ZFP1: variants seen among roughly 807,000 people sequenced by gnomAD.
The protein encoded by ZFP1 is ZFP1 zinc finger protein.
A neutral mutation model predicts 38.5 loss-of-function variants in ZFP1; 32 were observed. That is an observed-to-expected ratio of 0.83 (90% CI 0.63 to 1.12). The LOEUF (loss-of-function observed/expected upper bound fraction) is 1.12, where lower values mean the gene tolerates loss of function less well. Ranked by LOEUF, ZFP1 falls within the 50% of genes most tolerant of loss-of-function variation. The probability of loss-of-function intolerance (pLI) is 0.00; values close to 1 mark genes in which losing one functional copy is unlikely to be tolerated. For missense variants in ZFP1, 616 were observed against 480.8 expected (o/e 1.28, Z -2.63); for synonymous variants, 245 against 168.8 (o/e 1.45, Z -3.50).
the ZFP1 span, among the ~76,000 whole-genome samples, chr16:75,136,102 C>T: frequency 2.0e-5 from 3 of 152,328 alleles, no homozygotes; most frequent in South Asian, 6.2e-4. Context: ...AGGCATGAGC[C>T]ACCACGCCCA....
At chr16:75,129,544 G>C in the ZFP1 span, among the ~76,000 whole-genome samples, 1 of 152,138 alleles carries the variant, frequency 6.6e-6, no homozygotes, top group Admixed American at 6.5e-5. Context: ...AGGCTAATAA[G>C]AACCTCAAAA....
the ZFP1 span, among the ~76,000 whole-genome samples, chr16:75,135,837 C>T: frequency 6.6e-5 from 10 of 152,254 alleles, no homozygotes; most frequent in East Asian, 9.6e-4. Flanking sequence ...TTTTTTGAGA[C>T]GGAGTCTCAC....
At chr16:75,133,030 T>G in the ZFP1 span, among the ~76,000 whole-genome samples, 1 of 151,630 alleles carries the variant, frequency 6.6e-6, no homozygotes, top group Non-Finnish European at 1.5e-5. Context: ...CAGGCTGGAG[T>G]GCAGTGGTGC....
chr16:75,167,567 C>T (rs1328198658), intron 3 of ZFP1, among the ~76,000 whole-genome samples: 4 of 152,094 alleles, frequency 2.6e-5, no homozygotes, highest in Non-Finnish European at 1.5e-5. Flanking sequence ...ATGCATAGTG[C>T]TGTGATGAAC....
Position 75,171,237 on chromosome 16 carries a change from C to A in ZFP1, c.*903C>A, listed in dbSNP as rs544239632. The A allele has an allele frequency of 8.5e-5, 13 of 152,164 alleles. No homozygotes were observed. The highest frequency in any genetic ancestry group is 2.6e-4 in the African/African-American group (11 of 41,524). 9.4% of individuals were successfully genotyped at this position (152,164 alleles called of 1,614,324 possible). ...ACCTGTTTTTGTCTTTCCTTGTTTC[C>A]CTTAATATTTCATGAATTGTCTAGC... On this transcript the variant is annotated 3_prime_UTR_variant, in exon 4 of 4. Coordinates refer to ENST00000570010, the MANE Select transcript of ZFP1 (RefSeq NM_153688.4).
chr16:75,119,969 A>G, the ZFP1 span, among the ~76,000 whole-genome samples: 2 of 152,222 alleles, frequency 1.3e-5, no homozygotes, highest in African/African-American at 4.8e-5. Context: ...CAACGAGGCC[A>G]CCTTTTTGCT....
the ZFP1 span, among the ~76,000 whole-genome samples, chr16:75,124,613 C>G: frequency 4.0e-5 from 6 of 150,206 alleles, no homozygotes; most frequent in East Asian, 8.0e-4. Context: ...GAAACCCCAT[C>G]TCTACTAAAA....
chr16:75,149,113 C>T (rs774101757), intron 1 of ZFP1: 1 of 152,038 alleles, frequency 6.6e-6, no homozygotes, highest in African/African-American at 2.4e-5. Flanking sequence ...AACCGTGATC[C>T]CTTTGTCAGA....
At chr16:75,167,335 C>T (rs892115539) in intron 3 of ZFP1, among the ~76,000 whole-genome samples, 1 of 152,126 alleles carries the variant, frequency 6.6e-6, no homozygotes, top group South Asian at 2.1e-4. Context: ...TAGCTGAGGA[C>T]AGATGACCTG....
chr16:75,164,459 C>T (rs548056648), intron 2 of ZFP1, among the ~76,000 whole-genome samples: 2 of 152,188 alleles, frequency 1.3e-5, no homozygotes, highest in Admixed American at 6.5e-5. Flanking sequence ...AAACAACTTC[C>T]TTTCCCATTC....
At chr16:75,148,036 A>T (rs2036977770), upstream of ZFP1, among the ~76,000 whole-genome samples, 1 of 152,190 alleles carries the variant, frequency 6.6e-6, no homozygotes, top group Non-Finnish European at 1.5e-5. Context: ...ACAAATATAT[A>T]TACCTCAACA....
At chr16:75,148,204 A>G (rs978830835), upstream of ZFP1, among the ~76,000 whole-genome samples, 1 of 152,202 alleles carries the variant, frequency 6.6e-6, no homozygotes, top group Non-Finnish European at 1.5e-5. Context: ...TTGTACATAT[A>G]TTCTAATTAA....
the ZFP1 span, among the ~76,000 whole-genome samples, chr16:75,139,912 C>T: frequency 1.3e-5 from 2 of 152,158 alleles, no homozygotes; most frequent in Non-Finnish European, 2.9e-5. Context: ...TACCTCTGAA[C>T]TGTACACTTG....
At chr16:75,153,478 G>C (rs1275568818) in intron 2 of ZFP1, among the ~76,000 whole-genome samples, 1 of 152,058 alleles carries the variant, frequency 6.6e-6, no homozygotes, top group Non-Finnish European at 1.5e-5. Flanking sequence ...ACAAATAAAA[G>C]CACAAACGTA....
the ZFP1 span, among the ~76,000 whole-genome samples, chr16:75,125,315 TTTTG>T: frequency 4.6e-5 from 7 of 152,112 alleles, no homozygotes; most frequent in Non-Finnish European, 1.0e-4. Context: ...CTGTATGTAC[TTTTG>T]TTTGTTTGTT....
chr16:75,138,177 C>A, the ZFP1 span, among the ~76,000 whole-genome samples: 1 of 151,898 alleles, frequency 6.6e-6, no homozygotes, highest in Non-Finnish European at 1.5e-5. Flanking sequence ...GCTGGGACTA[C>A]AGGCGTGCGC....
chr16:75,151,382 G>GT (rs1431863076), intron 1 of ZFP1, among the ~76,000 whole-genome samples: 2 of 151,592 alleles, frequency 1.3e-5, no homozygotes, highest in African/African-American at 4.8e-5. Context: ...CATCTTGCTG[G>GT]TTTTTTTCTG....
chr16:75,139,783 G>T, the ZFP1 span, among the ~76,000 whole-genome samples: 1 of 152,160 alleles, frequency 6.6e-6, no homozygotes, highest in African/African-American at 2.4e-5. Flanking sequence ...GTTGCCAAGG[G>T]CTGGGGAAGG....
intron 2 of ZFP1, among the ~76,000 whole-genome samples, chr16:75,155,596 C>T (rs2037431433): frequency 6.6e-6 from 1 of 152,138 alleles, no homozygotes; most frequent in Non-Finnish European, 1.5e-5. Flanking sequence ...GTTATAACAA[C>T]ATATATAACA....
Sources: gnomAD v4.1 joint callset for allele counts (sites outside exome capture counted in the v4.1 genomes callset) on GRCh38, gnomAD v4.1.1 for gene constraint, MANE v1.5 for transcripts, NCBI Gene and HGNC (gene_info 2026-07-23, HGNC 2026-07-21) for gene names.